DCC: variants seen among roughly 807,000 people sequenced by gnomAD.
DCC encodes the protein DCC netrin 1 receptor, also known as netrin receptor DCC.
A neutral mutation model predicts 172.5 loss-of-function variants in DCC; 58 were observed. The observed-to-expected ratio is 0.34, with a 90% CI of 0.27 to 0.42. DCC has a LOEUF of 0.42. DCC is among the 10% of genes least tolerant of loss of function. DCC has a pLI of 1.00. For synonymous variants in DCC, 709 were observed against 644.5 expected, an observed-to-expected ratio of 1.10 and a Z score of -1.52; for missense variants, 1,740 against 1,791.0, an observed-to-expected ratio of 0.97 and a Z score of 0.51.
intron 2 of DCC, among the ~76,000 whole-genome samples, chr18:52,850,096 A>G (rs2038952329): frequency 6.6e-6 from 1 of 152,118 alleles, no homozygotes; most frequent in African/African-American, 2.4e-5. Context: ...TTTTTTTACC[A>G]TCCCGAGGCT....
chr18:52,803,242 G>T (rs1055888539), intron 2 of DCC, among the ~76,000 whole-genome samples: 1 of 152,134 alleles, frequency 6.6e-6, no homozygotes, highest in African/African-American at 2.4e-5. Flanking sequence ...TACAAGAACT[G>T]CAAGAGATCA....
At chr18:53,268,480 T>C (rs1283286891) in intron 12 of DCC, among the ~76,000 whole-genome samples, 3 of 152,130 alleles carry the variant, frequency 2.0e-5, no homozygotes, top group Non-Finnish European at 2.9e-5. Context: ...CCCAGAGAAA[T>C]GTTAAGATGA....
rs182994521 is a variant in DCC, at chr18:52,838,507, G to A, written c.413-67537G>A. On this transcript the variant is annotated intron_variant, in intron 2 of 28. Transcript: ENST00000442544. ...CCTAGAAGATGCCGGGGTGTGGTGG[G>A]GGAGGGGAAGAAGAAAAAGAAAACT... 3.0e-3 allele frequency among the ~76,000 whole-genome samples: 459 copies of A among 152,146 alleles called. 6 individuals carry two copies. The highest frequency in any genetic ancestry group is 0.01 in the African/African-American group (430 of 41,492).
chr18:53,105,193 C>T (rs1182599367), intron 7 of DCC, among the ~76,000 whole-genome samples: 1 of 152,028 alleles, frequency 6.6e-6, no homozygotes, highest in African/African-American at 2.4e-5. Context: ...TGTGTTCTTT[C>T]TGGTGCTATT....
intron 7 of DCC, among the ~76,000 whole-genome samples, chr18:53,114,982 G>A (rs956429214): frequency 7.3e-5 from 11 of 151,642 alleles, no homozygotes; most frequent in Admixed American, 1.3e-4. Flanking sequence ...CATTCTCTGC[G>A]TTGAAAGCTA....
chr18:52,657,969 C>T (rs1237893874), intron 1 of DCC, among the ~76,000 whole-genome samples: 3 of 152,170 alleles, frequency 2.0e-5, no homozygotes, highest in Admixed American at 6.6e-5. Flanking sequence ...TAATTCTACA[C>T]TTTTGATTCT....
At chr18:52,814,198 C>T (rs907959292) in intron 2 of DCC, among the ~76,000 whole-genome samples, 1 of 152,238 alleles carries the variant, frequency 6.6e-6, no homozygotes, top group Admixed American at 6.5e-5. Context: ...CATACCTCTC[C>T]TAGCCCTGTG....
intron 2 of DCC, among the ~76,000 whole-genome samples, chr18:52,810,089 AT>A (rs199667202): frequency 0.015 from 2,349 of 151,804 alleles, 59 homozygotes; most frequent in African/African-American, 0.052. Context: ...AAAAAAAAAA[AT>A]ATATTCTCAA....
intron 2 of DCC, among the ~76,000 whole-genome samples, chr18:52,759,483 T>C (rs1274742845): frequency 6.6e-6 from 1 of 152,230 alleles, no homozygotes; most frequent in Non-Finnish European, 1.5e-5. Context: ...TAGCTAATTA[T>C]TCATTCTAAA....
At chr18:53,101,675 C>G (rs182657199) in intron 7 of DCC, among the ~76,000 whole-genome samples, 14 of 152,156 alleles carry the variant, frequency 9.2e-5, no homozygotes, top group African/African-American at 2.9e-4. Flanking sequence ...CTTCTACAGC[C>G]ATTCTCCCAG....
At chr18:52,680,478 C>T (rs577993856) in intron 1 of DCC, among the ~76,000 whole-genome samples, 307 of 152,208 alleles carry the variant, frequency 2.0e-3, no homozygotes, top group Non-Finnish European at 3.5e-3. Flanking sequence ...TATGTTCTCT[C>T]GGTTCCTTGC....
intron 1 of DCC, among the ~76,000 whole-genome samples, chr18:52,521,544 C>G (rs575675625): frequency 7.2e-5 from 11 of 152,192 alleles, no homozygotes; most frequent in Non-Finnish European, 1.2e-4. Flanking sequence ...AATGCCATCA[C>G]TTTGGGAGTT....
intron 15 of DCC, among the ~76,000 whole-genome samples, chr18:53,371,349 T>A (rs182590016): frequency 6.6e-6 from 1 of 152,104 alleles, no homozygotes; most frequent in African/African-American, 2.4e-5. Context: ...AGAAGTATAA[T>A]CCCAGTCCAC....
rs557294680 is a variant in DCC, at chr18:53,209,998, A to G, written c.1861+2181A>G. On this transcript the variant is annotated intron_variant, in intron 11 of 28. Transcript: ENST00000442544. ...TTTCGTGACCCTAACCCCAATAAAC[A>G]TCACTGTGCAAAGGACACCAAATTC... is the stretch of plus-strand genomic sequence containing the variant. Among the ~76,000 whole-genome samples, 15 of 152,332 alleles carry G rather than the reference A, an allele frequency of 9.8e-5. No homozygotes were observed. In the East Asian group the frequency reaches 1.9e-3, roughly 20 times the overall value.
At chr18:52,667,645 A>T (rs187714431) in intron 1 of DCC, among the ~76,000 whole-genome samples, 2 of 152,330 alleles carry the variant, frequency 1.3e-5, no homozygotes, top group East Asian at 3.9e-4. Context: ...TTCTTGAATA[A>T]TTGGGATCCA....
chr18:53,502,303 T>C (rs1046015624), intron 27 of DCC, among the ~76,000 whole-genome samples: 6 of 152,226 alleles, frequency 3.9e-5, no homozygotes, highest in South Asian at 2.1e-4. Context: ...CTTTTTCCTT[T>C]AGTGTTTCTC....
intron 5 of DCC, among the ~76,000 whole-genome samples, chr18:53,050,406 A>G (rs953629634): frequency 6.6e-6 from 1 of 152,112 alleles, no homozygotes; most frequent in African/African-American, 2.4e-5. Flanking sequence ...CCTATCCGTG[A>G]CCATGGAATG....
intron 15 of DCC, among the ~76,000 whole-genome samples, chr18:53,378,519 G>GT (rs1435120883): frequency 6.6e-6 from 1 of 152,142 alleles, no homozygotes; most frequent in Non-Finnish European, 1.5e-5. Context: ...ACACCTACTG[G>GT]TATCAGTATG....
chr18:53,260,491 A>G (rs185130789), intron 12 of DCC, among the ~76,000 whole-genome samples: 2 of 152,192 alleles, frequency 1.3e-5, no homozygotes, highest in East Asian at 1.9e-4. Flanking sequence ...TTGCCTGGGT[A>G]TCAGCAGGAG....
Sources: allele counts gnomAD v4.1 joint callset (sites outside exome capture counted in the v4.1 genomes callset), GRCh38; gene constraint gnomAD v4.1.1; transcripts MANE v1.5; gene names NCBI Gene and HGNC (gene_info 2026-07-23, HGNC 2026-07-21).